PDCD11: variants seen among roughly 807,000 people sequenced by gnomAD.
PDCD11 encodes programmed cell death 11.
Under a neutral mutation model 198.9 loss-of-function variants are expected in PDCD11, and 97 were observed. The ratio of observed to expected loss-of-function variants is 0.49; its 90% CI spans 0.41 to 0.58. The LOEUF (loss-of-function observed/expected upper bound fraction) is 0.58. Among genes scored for constraint, PDCD11 ranks in the 20% least tolerant of loss-of-function variants. The pLI is 0.00. For missense variants in PDCD11, 2,102 were observed against 2,312.7 expected, an observed-to-expected ratio of 0.91 and a Z score of 1.87; for synonymous variants, 893 against 918.0, an observed-to-expected ratio of 0.97 and a Z score of 0.49.
intron 21 of PDCD11, among the ~76,000 whole-genome samples, chr10:103,429,688 A>G (rs535317887): frequency 5.3e-5 from 8 of 152,236 alleles, no homozygotes; most frequent in Admixed American, 4.6e-4. Context: ...TCAGGTATAC[A>G]TTACCTGAAA....
rs1438446519 is a variant in PDCD11, at chr10:103,440,725, G to A, written c.4441-9G>A. On this transcript the variant is annotated splice_polypyrimidine_tract_variant and intron_variant, in intron 29 of 35. Transcript: ENST00000369797. ...ATGCTCCTAGGCATTCTCCCACCTG[G>A]CCTCTCAGGAAAGAGTGAGCAAGAA... 3 of 1,613,954 alleles carry A rather than the reference G, an allele frequency of 1.9e-6. No individual in the cohort carries two copies. In the Admixed American group the frequency reaches 5.0e-5, roughly 27 times the overall value.
At chr10:103,398,272 C>A in intron 1 of PDCD11, 144 bp from the exon 2 acceptor site, 1 of 600,404 alleles carries the variant, frequency 1.7e-6, no homozygotes, top group Non-Finnish European at 3.0e-6. Flanking sequence ...TTATTCCGGG[C>A]CTGACATCTA....
At chr10:103,433,051 G>T (rs190482011) in intron 22 of PDCD11, among the ~76,000 whole-genome samples, 2 of 152,254 alleles carry the variant, frequency 1.3e-5, no homozygotes, top group East Asian at 3.9e-4. Flanking sequence ...CATGTTGCTT[G>T]CTGTTGTAGT....
intron 19 of PDCD11, among the ~76,000 whole-genome samples, 168 bp from the exon 20 acceptor site, chr10:103,424,816 G>A (rs2031610997): frequency 6.6e-6 from 1 of 152,198 alleles, no homozygotes; most frequent in Admixed American, 6.5e-5. Flanking sequence ...GGAGAGGAAA[G>A]CTAGGTCCAG....
chr10:103,429,328 G>T (rs527811443), intron 21 of PDCD11, among the ~76,000 whole-genome samples: 3 of 152,244 alleles, frequency 2.0e-5, no homozygotes, highest in Admixed American at 1.3e-4. Context: ...CTTTTTTGGA[G>T]GGTTGCTCTT....
rs765070640 is a variant in PDCD11 at position 103,445,826 on chromosome 10, A to G, written c.*277A>G. The G allele has an allele frequency of 5.6e-5, 21 of 377,154 alleles. No homozygotes were observed. Among genetic ancestry groups the G allele is most frequent in the Non-Finnish European group, 9.3e-5 (19 of 204,056 alleles). The allele number at this position is 377,154 out of a possible 1,614,324, so 23.4% of individuals were successfully genotyped here. On this transcript the variant is annotated 3_prime_UTR_variant, in exon 36 of 36. Coordinates refer to ENST00000369797, the MANE Select transcript of PDCD11 (RefSeq NM_014976.2). ...GGCCCCTGGACTCCCAGAAATGCTG[A>G]GGGTCCCTCTTCCAGGGGAGTTCCC... is the stretch of plus-strand genomic sequence containing the variant.
At position 103,415,117 on chromosome 10, in the gene PDCD11, A is replaced by G. The variant is rs2031032592; in HGVS notation, c.1484A>G (p.Lys495Arg). Residue 495 changes from lysine (K) to arginine (R), a missense_variant, in exon 12 of 36, where the codon AAG becomes AGG. By Grantham distance (26) the Lys-to-Arg change is conservative. Coordinates refer to ENST00000369797, the MANE Select transcript of PDCD11 (RefSeq NM_014976.2). ...GACATCCTGATGAAGAATCCGGAGAAGAAGTACCACATCGGGGATGAGGTC... is the reference window on the plus strand; with the variant it reads ...GACATCCTGATGAAGAATCCGGAGAGGAAGTACCACATCGGGGATGAGGTC... ...LADILMKNPE[K>R]KYHIGDEVKC... 1.9e-6 allele frequency: 3 copies of G among 1,614,164 alleles called. No homozygotes were observed. Among genetic ancestry groups the G allele is most frequent in the Non-Finnish European group, 2.5e-6 (3 of 1,180,028 alleles).
At chr10:103,436,087 G>A (rs1192578120) in intron 25 of PDCD11, among the ~76,000 whole-genome samples, 2 of 151,344 alleles carry the variant, frequency 1.3e-5, no homozygotes, top group Non-Finnish European at 2.9e-5. Flanking sequence ...GAGTGCAGTG[G>A]CACAATCTTG....
At chr10:103,416,771 T>C in intron 13 of PDCD11, 29 bp downstream of exon 13, 1 of 1,605,116 alleles carries the variant, frequency 6.2e-7, no homozygotes, top group Non-Finnish European at 8.5e-7. Context: ...AGGTCCCCTT[T>C]ACCCTTGGTG....
chr10:103,440,544 G>A lies in PDCD11; in HGVS notation c.4403G>A (p.Arg1468Gln), dbSNP rs140934905. The A allele has an allele frequency of 3.7e-6, 6 of 1,612,602 alleles. No individual in the cohort carries two copies. Among genetic ancestry groups the A allele is most frequent in the East Asian group, 2.2e-5 (1 of 44,890 alleles). ...CCCCAGAAGCCACAGGCGCAGAAGC[G>A]GGGCGGGCGGGAGTGCCGGGAGTCT... ...QQPQKPQAQK[R>Q]GGRECRESGS... Residue 1468 changes from arginine (R) to glutamine (Q), a missense_variant, in exon 29 of 36, where the codon CGG becomes CAG. Physicochemically the swap from Arg to Gln is conservative, Grantham distance 43. Coordinates refer to ENST00000369797, the MANE Select transcript of PDCD11 (RefSeq NM_014976.2).
chr10:103,428,769 T>C (rs1048031182), intron 21 of PDCD11, among the ~76,000 whole-genome samples: 1 of 152,124 alleles, frequency 6.6e-6, no homozygotes, highest in Non-Finnish European at 1.5e-5. Flanking sequence ...AAGACTATGG[T>C]ATGAGCCAGA....
intron 7 of PDCD11, among the ~76,000 whole-genome samples, 193 bp downstream of exon 7, chr10:103,406,983 T>A (rs1028267386): frequency 6.6e-6 from 1 of 152,232 alleles, no homozygotes; most frequent in Non-Finnish European, 1.5e-5. Context: ...AAAACTATAC[T>A]AAAAAGTCTT....
intron 3 of PDCD11, among the ~76,000 whole-genome samples, 168 bp from the exon 4 acceptor site, chr10:103,402,950 A>T (rs1026385514): frequency 2.6e-5 from 4 of 152,132 alleles, no homozygotes; most frequent in African/African-American, 7.2e-5. Flanking sequence ...GAAACTCCTG[A>T]GCCCAGGCAG....
intron 12 of PDCD11, among the ~76,000 whole-genome samples, chr10:103,415,512 G>T (rs1397772913): frequency 6.6e-6 from 1 of 152,188 alleles, no homozygotes; most frequent in Non-Finnish European, 1.5e-5. Context: ...CAGGTATTCC[G>T]TGCCAGTTTC....
At chr10:103,431,433 A>T (rs897583372) in intron 21 of PDCD11, among the ~76,000 whole-genome samples, 1 of 151,982 alleles carries the variant, frequency 6.6e-6, no homozygotes, top group Non-Finnish European at 1.5e-5. Context: ...TCTACTAAAA[A>T]TACAAAGAAA....
chr10:103,425,507 G>A lies in PDCD11; in HGVS notation c.3287G>A (p.Arg1096Gln), dbSNP rs1344560352. The A allele has an allele frequency of 3.7e-6, 6 of 1,609,474 alleles. No individual in the cohort carries two copies. The highest frequency in any genetic ancestry group is 1.3e-5 in the African/African-American group (1 of 74,912). ...GTCACTGCCCGAGTGATTGGCGGGC[G>A]AGACATGAAGACATTCAAGTATGGA... ...KTVTARVIGG[R>Q]DMKTFKYLPI... The change falls in exon 20 of 36, where the codon CGA becomes CAA. Residue 1096 changes from arginine to glutamine, a missense_variant. Coordinates refer to ENST00000369797, the MANE Select transcript of PDCD11 (RefSeq NM_014976.2).
At chr10:103,436,172 C>G (rs1369946148) in intron 25 of PDCD11, among the ~76,000 whole-genome samples, 1 of 152,048 alleles carries the variant, frequency 6.6e-6, no homozygotes, top group African/African-American at 2.4e-5. Context: ...GCAATCTTGG[C>G]TCACTGCAAC....
intron 16 of PDCD11, among the ~76,000 whole-genome samples, chr10:103,420,551 C>T (rs147388204): frequency 4.9e-4 from 74 of 152,280 alleles, no homozygotes; most frequent in African/African-American, 1.8e-3. Flanking sequence ...ATGGGACTCA[C>T]CAAAGTCATG....
Position 103,409,801 on chromosome 10 carries a change from C to T in PDCD11, c.973C>T (p.Gln325Ter). The T allele has an allele frequency of 1.2e-6, 2 of 1,608,520 alleles. No individual in the cohort carries two copies. Among genetic ancestry groups the T allele is most frequent in the Non-Finnish European group, 1.7e-6 (2 of 1,174,904 alleles). Reference sequence around the variant, plus strand: ...GAAAGCTGGAACATATTTCTCAAATCAGGCAGTAAGAAATGTTGAGCCTAT... The same window carrying T: ...GAAAGCTGGAACATATTTCTCAAATTAGGCAGTAAGAAATGTTGAGCCTAT... ...PKKAGTYFSN[Q>*]AVRACILCVH... The change falls in exon 8 of 36, where the codon CAG becomes TAG. Residue 325 changes from glutamine (Q) to a stop codon, truncating the protein, a stop_gained. Transcript: ENST00000369797. LOFTEE classifies it high-confidence loss of function.
Sources: gnomAD v4.1 joint callset for allele counts (sites outside exome capture counted in the v4.1 genomes callset) on GRCh38, gnomAD v4.1.1 for gene constraint, MANE v1.5 for transcripts, NCBI Gene and HGNC (gene_info 2026-07-23, HGNC 2026-07-21) for gene names.